Variants in DOCK8 observed in about 807,000 individuals in gnomAD.
The protein encoded by DOCK8 is dedicator of cytokinesis 8, also known as dedicator of cytokinesis protein 8.
DOCK8 carries 141 observed loss-of-function variants against 245.6 expected under a neutral mutation model. The ratio of observed to expected loss-of-function variants is 0.57; its 90% CI spans 0.50 to 0.66. The LOEUF (loss-of-function observed/expected upper bound fraction) is 0.66, where lower values mean the gene tolerates loss of function less well. Ranked by LOEUF, DOCK8 falls within the 30% of genes least tolerant of loss-of-function variation. DOCK8 has a pLI of 0.00. For missense variants in DOCK8, 2,965 were observed against 2,603.4 expected, an observed-to-expected ratio of 1.14 and a Z score of -3.02; for synonymous variants, 1,168 against 970.2, an observed-to-expected ratio of 1.20 and a Z score of -3.79.
intron 5 of DOCK8, among the ~76,000 whole-genome samples, chr9:307,717 T>C (rs1337076500): frequency 6.6e-6 from 1 of 152,154 alleles, no homozygotes; most frequent in Non-Finnish European, 1.5e-5. Flanking sequence ...CTACTAGATA[T>C]ATGTCCAGAG....
chr9:446,915 T>G (rs2057283117), intron 44 of DOCK8, among the ~76,000 whole-genome samples: 1 of 151,700 alleles, frequency 6.6e-6, no homozygotes, highest in South Asian at 2.1e-4. Context: ...AACAGATATA[T>G]TTACCTTTTA....
At chr9:273,177 C>CA (rs2048213457) in intron 2 of DOCK8, 7 of 876,866 alleles carry the variant, frequency 8.0e-6, no homozygotes, top group Non-Finnish European at 9.1e-6. Context: ...AATAGTAGTA[C>CA]GAAAAACCTA....
intron 28 of DOCK8, among the ~76,000 whole-genome samples, chr9:408,908 G>GCACA (rs146609576): frequency 0.36 from 50,400 of 140,050 alleles, 8,890 homozygotes; most frequent in East Asian, 0.53. Context: ...GCGTGCACAT[G>GCACA]CACACACACA....
chr9:441,444 C>G, intron 41 of DOCK8, 27 bp downstream of exon 41: 1 of 1,613,982 alleles, frequency 6.2e-7, no homozygotes, highest in Non-Finnish European at 8.5e-7. Context: ...GCTGGCAGGT[C>G]TTGTTACCTG....
At chr9:333,555 C>G (rs62533430) in intron 10 of DOCK8, among the ~76,000 whole-genome samples, 6,054 of 150,912 alleles carry the variant, frequency 0.04, 142 homozygotes, top group Non-Finnish European at 0.057. Flanking sequence ...GAGCCGAGAT[C>G]GTGCCACTGC....
chr9:359,821 A>T (rs2052634380), intron 14 of DOCK8, among the ~76,000 whole-genome samples: 2 of 146,350 alleles, frequency 1.4e-5, no homozygotes, highest in South Asian at 4.3e-4. Context: ...AAAAAAAAAA[A>T]AAATTACAGA....
rs2053545266 is a variant in DOCK8 at position 377,020 on chromosome 9, AGAGCCAGG to A, written c.2250_2257del (p.Glu750AspfsTer20). ...TTCTTCACCCTCTGCCACTCCCTGG[AGAGCCAGG>A]TGACCTTCCCCATCCGCGTGCTGGA... On this transcript the variant is annotated frameshift_variant, in exon 20 of 48. Coordinates refer to ENST00000432829, the MANE Select transcript of DOCK8 (RefSeq NM_203447.4). LOFTEE classifies it high-confidence loss of function. 6.2e-7 allele frequency: 1 copy of A among 1,613,940 alleles called. No homozygotes were observed. Among genetic ancestry groups the A allele is most frequent in the Non-Finnish European group, 8.5e-7 (1 of 1,180,020 alleles).
At chr9:463,128 A>C (rs2057857805) in intron 46 of DOCK8, among the ~76,000 whole-genome samples, 1 of 152,122 alleles carries the variant, frequency 6.6e-6, no homozygotes, top group Non-Finnish European at 1.5e-5. Context: ...GCAATGGCCC[A>C]CACTTGTAGT....
At chr9:408,037 C>G (rs934518001) in intron 28 of DOCK8, among the ~76,000 whole-genome samples, 2 of 152,216 alleles carry the variant, frequency 1.3e-5, no homozygotes, top group African/African-American at 4.8e-5. Context: ...GACCCACTCT[C>G]CTATACCAAA....
chr9:357,097 GC>G (rs1462261309), intron 14 of DOCK8, among the ~76,000 whole-genome samples: 1 of 152,138 alleles, frequency 6.6e-6, no homozygotes, highest in Non-Finnish European at 1.5e-5. Context: ...TTTAAGGATG[GC>G]TCCTTTCACC....
chr9:405,009 T>C lies in DOCK8; in HGVS notation c.3326T>C (p.Leu1109Pro). Residue 1109 changes from leucine (L) to proline (P), a missense_variant, in exon 27 of 48, where the codon CTG becomes CCG. This residue lies in a region of DOCK8 where 2,825 missense variants were observed against 2,453.5 expected (regional missense o/e 1.15). Transcript: ENST00000432829. ...ILCSHEHYLN[L>P]NLFFMNADTA... ...TGTAGCCATGAGCATTACCTCAATC[T>C]GAACCTTTTTTTTATGAATGCTGAT... 1 of 1,614,068 alleles carries C rather than the reference T, an allele frequency of 6.2e-7. No individual in the cohort carries two copies. Among genetic ancestry groups the C allele is most frequent in the Non-Finnish European group, 8.5e-7 (1 of 1,179,960 alleles).
intron 5 of DOCK8, among the ~76,000 whole-genome samples, chr9:307,033 A>T (rs2049867023): frequency 6.6e-6 from 1 of 152,166 alleles, no homozygotes; most frequent in African/African-American, 2.4e-5. Flanking sequence ...GTACCAAAAG[A>T]ACCTGAAGGC....
At chr9:412,128 C>T (rs572183746) in intron 28 of DOCK8, among the ~76,000 whole-genome samples, 1 of 152,024 alleles carries the variant, frequency 6.6e-6, no homozygotes, top group African/African-American at 2.4e-5. Context: ...CTAGGCCAGG[C>T]GTGGTGGCTC....
At chr9:389,855 A>AG (rs1186100645) in intron 23 of DOCK8, among the ~76,000 whole-genome samples, 1 of 151,954 alleles carries the variant, frequency 6.6e-6, no homozygotes, top group Non-Finnish European at 1.5e-5. Flanking sequence ...TCTCTACCAA[A>AG]AAAAAAGAAA....
At chr9:308,558 G>C (rs541689866) in intron 5 of DOCK8, among the ~76,000 whole-genome samples, 1 of 152,170 alleles carries the variant, frequency 6.6e-6, no homozygotes, top group Non-Finnish European at 1.5e-5. Context: ...CTTGGTACAC[G>C]TAGATTTTAT....
In DOCK8 at chr9:452,109, C is replaced by T; in HGVS notation, c.6060C>T (p.Phe2020=). The change falls in exon 46 of 48, where the codon TTC becomes TTT. Residue 2020 remains phenylalanine (F), a synonymous_variant. Transcript: ENST00000432829. The part of the protein sequence containing the change: ...HNKLRLCFKE[F]IMRCGEAVEK... ...AGTTGAGGTTATGCTTTAAGGAATT[C>T]ATCATGAGGTAAGAAGGAAAATGGC... 6.2e-7 allele frequency: 1 copy of T among 1,604,328 alleles called. No individual in the cohort carries two copies.
In DOCK8 at chr9:420,957, G is replaced by A. The variant is rs878886065; in HGVS notation, c.4032G>A (p.Gln1344=). The A allele has an allele frequency of 1.2e-6, 2 of 1,614,098 alleles. No homozygotes were observed. Among genetic ancestry groups the A allele is most frequent in the Admixed American group, 1.7e-5 (1 of 60,004 alleles). ...CVLCFEYKGK[Q]SSDKVSTQVL... ...ACCTCTGTCTTGTCCAGGGAAAACA[G>A]AGTTCTGACAAAGTCAGTACCCAAG... is the stretch of plus-strand genomic sequence containing the variant. The change falls in exon 32 of 48, where the codon CAG becomes CAA. Residue 1344 remains glutamine, a synonymous_variant. Coordinates refer to ENST00000432829, the MANE Select transcript of DOCK8 (RefSeq NM_203447.4).
chr9:274,345 A>G (rs1200162133), intron 2 of DOCK8, among the ~76,000 whole-genome samples: 1 of 152,172 alleles, frequency 6.6e-6, no homozygotes, highest in Non-Finnish European at 1.5e-5. Flanking sequence ...TATTACTCCC[A>G]GTTATTCCGC....
chr9:282,395 T>C (rs1249482508), intron 2 of DOCK8, among the ~76,000 whole-genome samples: 1 of 151,122 alleles, frequency 6.6e-6, no homozygotes, highest in Non-Finnish European at 1.5e-5. Flanking sequence ...ATGACAAGTT[T>C]GCTTTTTGTT....
Sources: gnomAD v4.1 joint callset for allele counts (sites outside exome capture counted in the v4.1 genomes callset) on GRCh38, gnomAD v4.1.1 for gene constraint, gnomAD v4.1.1 regional missense constraint, MANE v1.5 for transcripts, NCBI Gene and HGNC (gene_info 2026-07-23, HGNC 2026-07-21) for gene names.